Variants in SLC4A5 observed in about 807,000 individuals in gnomAD.
SLC4A5 encodes the protein electrogenic sodium bicarbonate cotransporter 4.
In SLC4A5, 96 loss-of-function variants were observed where a neutral mutation model predicts 120.4. The ratio of observed to expected loss-of-function variants is 0.80; its 90% CI spans 0.68 to 0.94. The LOEUF (loss-of-function observed/expected upper bound fraction) is 0.94. Among genes scored for constraint, SLC4A5 ranks in the 40% least tolerant of loss-of-function variants. SLC4A5 has a pLI of 0.00. For synonymous variants in SLC4A5, 550 were observed against 571.1 expected, an observed-to-expected ratio of 0.96 and a Z score of 0.53; for missense variants, 1,259 against 1,459.5, an observed-to-expected ratio of 0.86 and a Z score of 2.24.
intron 2 of SLC4A5, among the ~76,000 whole-genome samples, chr2:74,341,603 C>T (rs1673628410): frequency 6.6e-6 from 1 of 152,210 alleles, no homozygotes; most frequent in South Asian, 2.1e-4. Flanking sequence ...CCAAGAGGGA[C>T]TGCCCCACAT....
At chr2:74,316,713 C>T (rs755314859) in intron 5 of SLC4A5, among the ~76,000 whole-genome samples, 7 of 152,180 alleles carry the variant, frequency 4.6e-5, no homozygotes, top group Admixed American at 1.3e-4. Context: ...CAAGCACTGG[C>T]CTTGAGACAA....
At position 74,227,954 on chromosome 2, in the gene SLC4A5, C is replaced by T. The variant is rs78545816; in HGVS notation, c.2848-76G>A. ...GCCACCCTGTTCTGGATGACAGTGG[C>T]TCCTGACCACAGAGGCAGCTAGGAA... On this transcript the variant is annotated intron_variant, in intron 25 of 30. Coordinates refer to ENST00000394019, the Ensembl canonical transcript of SLC4A5. 3,670 of 1,082,894 alleles carry T rather than the reference C, an allele frequency of 3.4e-3. 100 individuals are homozygous for T. The African/African-American group carries it at 0.051, about 15-fold the overall frequency. The allele number at this position is 1,082,894 out of a possible 1,614,324, so 67.1% of individuals were successfully genotyped here. A position where few individuals can be genotyped will look rare whatever the true frequency, so the allele number is the denominator to read the frequency against.
exon 26 of SLC4A5, chr2:74,227,870 G>T (rs774559358): frequency 6.2e-7 from 1 of 1,607,744 alleles, no homozygotes; most frequent in South Asian, 1.1e-5. Flanking sequence ...GCACCGGCAG[G>T]GGGATACACT....
intron 19 of SLC4A5, among the ~76,000 whole-genome samples, chr2:74,244,206 A>G (rs1214625315): frequency 6.6e-6 from 1 of 152,220 alleles, no homozygotes; most frequent in African/African-American, 2.4e-5. Context: ...TTCTGTGAAG[A>G]AACTGAAATT....
chr2:74,317,409 C>T (rs531828202), intron 5 of SLC4A5, among the ~76,000 whole-genome samples: 1 of 151,980 alleles, frequency 6.6e-6, no homozygotes, highest in African/African-American at 2.4e-5. Context: ...TCTACATATA[C>T]AAAATGTTTC....
chr2:74,229,067 T>C (rs1694959739), intron 25 of SLC4A5, among the ~76,000 whole-genome samples: 1 of 140,256 alleles, frequency 7.1e-6, no homozygotes, highest in Middle Eastern at 3.7e-3. Flanking sequence ...TTTAGAGGAA[T>C]TTTTTGCCCC....
At chr2:74,285,953 G>A in intron 7 of SLC4A5, 51 bp from the exon 8 acceptor site, 1 of 1,521,158 alleles carries the variant, frequency 6.6e-7, no homozygotes, top group South Asian at 1.2e-5. Context: ...AAGGCAGGAG[G>A]ACCACAAGGC....
At chr2:74,277,093 C>T (rs960735445) in intron 8 of SLC4A5, among the ~76,000 whole-genome samples, 1 of 152,166 alleles carries the variant, frequency 6.6e-6, no homozygotes, top group South Asian at 2.1e-4. Context: ...TATGAGTTAG[C>T]CTGAGTGGGC....
chr2:74,235,837 G>T (rs901545534), intron 21 of SLC4A5, among the ~76,000 whole-genome samples: 1 of 152,140 alleles, frequency 6.6e-6, no homozygotes, highest in Admixed American at 6.5e-5. Flanking sequence ...TGACCTTCCT[G>T]CCCATTCTGA....
chr2:74,218,954 G>A (rs993988973), intron 30 of SLC4A5, among the ~76,000 whole-genome samples, 162 bp from the exon 31 acceptor site: 2 of 152,182 alleles, frequency 1.3e-5, no homozygotes, highest in African/African-American at 2.4e-5. Context: ...CCATAGTCAC[G>A]CATCTGGTCT....
At chr2:74,226,781 T>C (rs1325907679) in intron 27 of SLC4A5, among the ~76,000 whole-genome samples, 176 bp downstream of exon 27, 2 of 152,074 alleles carry the variant, frequency 1.3e-5, no homozygotes, top group African/African-American at 4.8e-5. Flanking sequence ...CCCCACACCA[T>C]CTGGCCTGGA....
intron 7 of SLC4A5, among the ~76,000 whole-genome samples, chr2:74,288,631 G>A (rs944888448): frequency 6.6e-6 from 1 of 151,918 alleles, no homozygotes; most frequent in Non-Finnish European, 1.5e-5. Flanking sequence ...GCTTCATCTT[G>A]TTCTCTCTTC....
intron 8 of SLC4A5, 113 bp from the exon 9 acceptor site, chr2:74,265,377 G>T: frequency 7.7e-7 from 1 of 1,301,400 alleles, no homozygotes; most frequent in Non-Finnish European, 1.1e-6. Context: ...TGTGGTTGTG[G>T]TGTTGGTCCC....
At chr2:74,263,089 G>T (rs927290979) in intron 10 of SLC4A5, among the ~76,000 whole-genome samples, 1 of 152,306 alleles carries the variant, frequency 6.6e-6, no homozygotes, top group East Asian at 1.9e-4. Context: ...GCCCAGGCTG[G>T]AGTGCAATGG....
chr2:74,293,144 G>C (rs893379757), intron 7 of SLC4A5, among the ~76,000 whole-genome samples: 2 of 152,172 alleles, frequency 1.3e-5, no homozygotes, highest in East Asian at 3.9e-4. Context: ...GGAACCCAAA[G>C]GAGCCAAAAC....
intron 22 of SLC4A5, among the ~76,000 whole-genome samples, chr2:74,234,163 T>C (rs961803742): frequency 6.6e-5 from 10 of 151,728 alleles, no homozygotes; most frequent in Admixed American, 1.3e-4. Context: ...GCTCTTTTTT[T>C]TTTCTTTCTT....
At chr2:74,315,203 G>A (rs1427585954) in intron 5 of SLC4A5, among the ~76,000 whole-genome samples, 178 bp from the exon 6 acceptor site, 1 of 152,102 alleles carries the variant, frequency 6.6e-6, no homozygotes, top group Non-Finnish European at 1.5e-5. Context: ...ACTTTGGGAG[G>A]CTGAGGCGGG....
intron 8 of SLC4A5, among the ~76,000 whole-genome samples, chr2:74,281,000 A>G (rs989801013): frequency 6.6e-6 from 1 of 152,130 alleles, no homozygotes; most frequent in African/African-American, 2.4e-5. Flanking sequence ...ACAGGATCTT[A>G]ATGAGGGTGA....
chr2:74,315,124 A>C, intron 5 of SLC4A5, 99 bp from the exon 6 acceptor site: 1 of 1,010,702 alleles, frequency 9.9e-7, no homozygotes, highest in Non-Finnish European at 1.6e-6. Flanking sequence ...GGGAGATTTT[A>C]ATACAGATAA....
Sources: allele counts gnomAD v4.1 joint callset (sites outside exome capture counted in the v4.1 genomes callset), GRCh38; gene constraint gnomAD v4.1.1; transcripts MANE v1.5; gene names NCBI Gene and HGNC (gene_info 2026-07-23, HGNC 2026-07-21).